SYNPR: variants seen among roughly 807,000 people sequenced by gnomAD.
The protein encoded by SYNPR is synaptoporin.
A neutral mutation model predicts 32.9 loss-of-function variants in SYNPR; 23 were observed. The ratio of observed to expected loss-of-function variants is 0.70; its 90% CI spans 0.50 to 0.99. The LOEUF is 0.99. Ranked by LOEUF, SYNPR falls within the 50% of genes least tolerant of loss-of-function variation. The pLI is 0.00. For synonymous variants in SYNPR, 146 were observed against 135.9 expected, an observed-to-expected ratio of 1.07 and a Z score of -0.52; for missense variants, 318 against 349.3, an observed-to-expected ratio of 0.91 and a Z score of 0.71.
chr3:63,207,097 A>G, the SYNPR span, among the ~76,000 whole-genome samples: 1 of 152,196 alleles, frequency 6.6e-6, no homozygotes, highest in Non-Finnish European at 1.5e-5. Flanking sequence ...TTTTCTGGTA[A>G]AGGAATTATA....
At chr3:63,481,207 G>T (rs1409173378) in intron 3 of SYNPR, among the ~76,000 whole-genome samples, 4 of 152,084 alleles carry the variant, frequency 2.6e-5, no homozygotes, top group Non-Finnish European at 5.9e-5. Flanking sequence ...GCTACAAAGA[G>T]AAGGAGGGAG....
intron 2 of SYNPR, among the ~76,000 whole-genome samples, chr3:63,407,735 A>G (rs1172313240): frequency 2.0e-5 from 3 of 152,114 alleles, no homozygotes; most frequent in African/African-American, 7.2e-5. Context: ...CTTGTTGGAG[A>G]GCAAGACAAA....
At chr3:63,391,879 G>A (rs577633826) in intron 2 of SYNPR, among the ~76,000 whole-genome samples, 9 of 152,280 alleles carry the variant, frequency 5.9e-5, no homozygotes, top group South Asian at 2.1e-4. Flanking sequence ...CCGATGTCTC[G>A]TGGCTAGTAA....
Position 63,308,121 on chromosome 3 carries a change from T to C in SYNPR, c.84+29379T>C, listed in dbSNP as rs577076567. On this transcript the variant is annotated intron_variant, in intron 2 of 5. Coordinates refer to ENST00000478300, the MANE Select transcript of SYNPR (RefSeq NM_001130003.2). ...ATAAATCCCTAATTTTGCTTTGGCA[T>C]TTAAGTTGAGAGATGAAAAGAAACT... 2.7e-4 allele frequency among the ~76,000 whole-genome samples: 41 copies of C among 152,202 alleles called. 1 individual carries two copies. The South Asian group carries it at 8.5e-3, about 32-fold the overall frequency.
chr3:63,366,486 C>G (rs2087730987), intron 2 of SYNPR, among the ~76,000 whole-genome samples: 1 of 148,608 alleles, frequency 6.7e-6, no homozygotes, highest in East Asian at 2.6e-4. Context: ...AGTATGTGTA[C>G]TTTTATAGAT....
chr3:63,605,087 T>A (rs1489454689), intron 4 of SYNPR, among the ~76,000 whole-genome samples: 1 of 152,228 alleles, frequency 6.6e-6, no homozygotes, highest in Admixed American at 6.5e-5. Context: ...GTAGTCAAAA[T>A]GCTTGCATCC....
At chr3:63,316,290 A>T (rs571736365) in intron 2 of SYNPR, among the ~76,000 whole-genome samples, 1 of 152,078 alleles carries the variant, frequency 6.6e-6, no homozygotes, top group African/African-American at 2.4e-5. Context: ...TATCTTGTGG[A>T]AGAGTGTTAA....
At chr3:63,386,466 C>G (rs987229541) in intron 2 of SYNPR, among the ~76,000 whole-genome samples, 1 of 152,164 alleles carries the variant, frequency 6.6e-6, no homozygotes, top group Non-Finnish European at 1.5e-5. Context: ...TGGAATTGTT[C>G]AGATGGCATT....
intron 3 of SYNPR, among the ~76,000 whole-genome samples, chr3:63,507,744 T>A (rs1184466002): frequency 6.6e-6 from 1 of 152,092 alleles, no homozygotes; most frequent in Non-Finnish European, 1.5e-5. Flanking sequence ...ATATATCACC[T>A]CCGTGATTTT....
intron 3 of SYNPR, among the ~76,000 whole-genome samples, chr3:63,483,936 G>C (rs1701096494): frequency 6.6e-6 from 1 of 152,194 alleles, no homozygotes; most frequent in South Asian, 2.1e-4. Flanking sequence ...ACTATTCAGT[G>C]TATTGCAAAG....
intron 2 of SYNPR, among the ~76,000 whole-genome samples, chr3:63,401,301 A>G (rs1016446969): frequency 6.6e-6 from 1 of 152,212 alleles, no homozygotes; most frequent in Admixed American, 6.5e-5. Flanking sequence ...CACTCAGGCC[A>G]TCCACGAATC....
rs1049987788 is a variant in SYNPR, at chr3:63,373,420, A to G, written c.84+94678A>G. On this transcript the variant is annotated intron_variant, in intron 2 of 5. Coordinates refer to ENST00000478300, the MANE Select transcript of SYNPR (RefSeq NM_001130003.2). ...ATACAGCTGAAAAACACACCACAAA[A>G]ATTTCATAATGCAATCACAAGTATT... Among the ~76,000 whole-genome samples, 5 of 152,332 alleles carry G rather than the reference A, an allele frequency of 3.3e-5. No individual in the cohort carries two copies. The East Asian group carries it at 9.7e-4, about 29-fold the overall frequency.
At chr3:63,379,430 A>G (rs1390146946) in intron 2 of SYNPR, among the ~76,000 whole-genome samples, 2 of 152,082 alleles carry the variant, frequency 1.3e-5, no homozygotes, top group African/African-American at 4.8e-5. Context: ...TGTCCCTAAA[A>G]ACAATTGCGG....
the SYNPR span, among the ~76,000 whole-genome samples, chr3:63,206,435 C>T: frequency 5.3e-5 from 8 of 152,058 alleles, no homozygotes; most frequent in African/African-American, 1.9e-4. Flanking sequence ...CAACATGGTG[C>T]CTGTAGTCCC....
In SYNPR at chr3:63,441,115, T is replaced by C. The variant is rs868017313; in HGVS notation, c.85-39717T>C. ...TTTTAGCTTTACCAGGTATTGACTC[T>C]GTACTTTCAGATAAGTTACTTAACT... is the stretch of plus-strand genomic sequence containing the variant. On this transcript the variant is annotated intron_variant, in intron 2 of 5. Transcript: ENST00000478300. 9.7e-4 allele frequency among the ~76,000 whole-genome samples: 147 copies of C among 152,330 alleles called. No homozygotes were observed. In the Middle Eastern group the frequency reaches 0.027, roughly 28 times the overall value.
chr3:63,224,091 G>T (rs560591794), upstream of SYNPR, among the ~76,000 whole-genome samples: 1 of 152,332 alleles, frequency 6.6e-6, no homozygotes, highest in African/African-American at 2.4e-5. Flanking sequence ...AGAATTTTCT[G>T]TTGAAGGAGT....
At chr3:63,595,905 TTATA>T (rs535190616) in intron 4 of SYNPR, among the ~76,000 whole-genome samples, 1 of 89,034 alleles carries the variant, frequency 1.1e-5, no homozygotes, top group Middle Eastern at 5.6e-3. Flanking sequence ...ATATATATAG[TTATA>T]TATATATAGT....
At chr3:63,408,198 A>AAAG (rs1560220859) in intron 2 of SYNPR, among the ~76,000 whole-genome samples, 1,012 of 37,704 alleles carry the variant, frequency 0.027, 143 homozygotes, top group Non-Finnish European at 0.031. Flanking sequence ...AAGAAAGAGG[A>AAAG]AGGAAGGAAG....
In SYNPR at chr3:63,450,020, T is replaced by C. The variant is rs542397889; in HGVS notation, c.85-30812T>C. 3.3e-5 allele frequency among the ~76,000 whole-genome samples: 5 copies of C among 152,280 alleles called. No homozygotes were observed. In the South Asian group the frequency reaches 6.2e-4, roughly 19 times the overall value. On this transcript the variant is annotated intron_variant, in intron 2 of 5. Transcript: ENST00000478300. ...TTATACTATTTCATGGGGAAAAAGGTAAGCAGAGTTAAAGCATACTTTTAC... is the reference window on the plus strand; with the variant it reads ...TTATACTATTTCATGGGGAAAAAGGCAAGCAGAGTTAAAGCATACTTTTAC...
Sources: allele counts gnomAD v4.1 joint callset (sites outside exome capture counted in the v4.1 genomes callset), GRCh38; gene constraint gnomAD v4.1.1; transcripts MANE v1.5; gene names NCBI Gene and HGNC (gene_info 2026-07-23, HGNC 2026-07-21).